GPC6: variants seen among roughly 807,000 people sequenced by gnomAD.
GPC6 encodes the protein glypican-6.
GPC6 carries 14 observed loss-of-function variants against 55.2 expected under a neutral mutation model. The observed-to-expected ratio is 0.25, with a 90% CI of 0.17 to 0.40. The LOEUF is 0.40. GPC6 is among the 10% of genes least tolerant of loss of function. The pLI, the probability that GPC6 is intolerant of heterozygous loss-of-function variation, is 1.00. For synonymous variants in GPC6, 278 were observed against 259.6 expected (o/e 1.07, Z -0.68); for missense variants, 641 against 708.5 (o/e 0.90, Z 1.08).
intron 3 of GPC6, among the ~76,000 whole-genome samples, chr13:93,902,978 G>C (rs1401897456): frequency 1.3e-5 from 2 of 152,176 alleles, no homozygotes; most frequent in Non-Finnish European, 2.9e-5. Flanking sequence ...ATACAATGGA[G>C]AAAGGACAGT....
intron 4 of GPC6, among the ~76,000 whole-genome samples, chr13:94,285,430 C>T (rs1421462812): frequency 6.6e-6 from 1 of 152,138 alleles, no homozygotes; most frequent in African/African-American, 2.4e-5. Context: ...CAAAGGGAAA[C>T]TTCCTCACTT....
intron 4 of GPC6, among the ~76,000 whole-genome samples, chr13:94,133,094 A>T (rs151275593): frequency 6.6e-6 from 1 of 152,208 alleles, no homozygotes; most frequent in South Asian, 2.1e-4. Flanking sequence ...GAAGAAGAGC[A>T]GTCTTTTCTG....
chr13:93,613,483 C>T (rs1408198194), intron 2 of GPC6, among the ~76,000 whole-genome samples: 1 of 151,558 alleles, frequency 6.6e-6, no homozygotes, highest in Admixed American at 6.6e-5. Flanking sequence ...CCATCTCTTT[C>T]AATCATTCTC....
At chr13:93,590,893 G>A (rs923709030) in intron 2 of GPC6, among the ~76,000 whole-genome samples, 2 of 151,906 alleles carry the variant, frequency 1.3e-5, no homozygotes, top group African/African-American at 4.8e-5. Context: ...TAAAAAGGAC[G>A]AGCTAGTGGG....
At chr13:94,367,001 G>C (rs1420217294) in intron 6 of GPC6, among the ~76,000 whole-genome samples, 1 of 152,188 alleles carries the variant, frequency 6.6e-6, no homozygotes, top group Non-Finnish European at 1.5e-5. Context: ...ATGTGCTCAA[G>C]CCCTGTTCAT....
At chr13:93,409,140 A>G (rs1876401570) in intron 1 of GPC6, among the ~76,000 whole-genome samples, 1 of 151,416 alleles carries the variant, frequency 6.6e-6, no homozygotes, top group East Asian at 1.9e-4. Flanking sequence ...TTATACATCC[A>G]TGTGTTTTCT....
chr13:94,307,205 C>G (rs923618859), intron 6 of GPC6, among the ~76,000 whole-genome samples: 23 of 152,148 alleles, frequency 1.5e-4, no homozygotes, highest in African/African-American at 4.6e-4. Context: ...AAAGGGGTAA[C>G]TAACTGTTAC....
chr13:93,591,988 A>G (rs1490451263), intron 2 of GPC6, among the ~76,000 whole-genome samples: 1 of 152,166 alleles, frequency 6.6e-6, no homozygotes, highest in Non-Finnish European at 1.5e-5. Flanking sequence ...TATTCTTTGA[A>G]CATCAAAAGT....
intron 3 of GPC6, among the ~76,000 whole-genome samples, chr13:93,985,353 C>T (rs1355103846): frequency 6.6e-6 from 1 of 152,000 alleles, no homozygotes; most frequent in Admixed American, 6.6e-5. Flanking sequence ...AGGAAGGTTG[C>T]TTGAACCCAG....
At chr13:93,897,553 A>T (rs1425846458) in intron 3 of GPC6, among the ~76,000 whole-genome samples, 1 of 152,152 alleles carries the variant, frequency 6.6e-6, no homozygotes, top group Admixed American at 6.6e-5. Context: ...TAAATGACTT[A>T]AAAAACTAGC....
intron 1 of GPC6, among the ~76,000 whole-genome samples, chr13:93,235,252 G>A (rs1876195030): frequency 6.6e-6 from 1 of 151,966 alleles, no homozygotes; most frequent in Non-Finnish European, 1.5e-5. Context: ...AAAGAAGGAG[G>A]CAGTTAGGGA....
chr13:93,915,788 C>T (rs1877256873), intron 3 of GPC6, among the ~76,000 whole-genome samples: 1 of 152,208 alleles, frequency 6.6e-6, no homozygotes, highest in South Asian at 2.1e-4. Context: ...CTTGACCACC[C>T]TCTTATTTTT....
intron 4 of GPC6, among the ~76,000 whole-genome samples, chr13:94,102,905 A>G (rs1885917194): frequency 6.6e-6 from 1 of 152,094 alleles, no homozygotes; most frequent in Non-Finnish European, 1.5e-5. Flanking sequence ...TTATTATTAT[A>G]CTTTAAGTTC....
intron 4 of GPC6, among the ~76,000 whole-genome samples, chr13:94,221,358 AAACTAATAAAACTGCCCT>A (rs1890378152): frequency 6.6e-6 from 1 of 152,148 alleles, no homozygotes; most frequent in South Asian, 2.1e-4. Context: ...TAAGCAAATG[AAACTAATAAAACTGCCCT>A]AACTAAAATT....
At chr13:94,365,391 C>T (rs967646669) in intron 6 of GPC6, among the ~76,000 whole-genome samples, 1 of 152,044 alleles carries the variant, frequency 6.6e-6, no homozygotes, top group African/African-American at 2.4e-5. Flanking sequence ...TATTTGAACT[C>T]GAACCAGTTC....
In GPC6 at chr13:93,489,044, C is replaced by A. The variant is rs1462455461; in HGVS notation, c.161-56219C>A. 2.6e-5 allele frequency among the ~76,000 whole-genome samples: 4 copies of A among 151,344 alleles called. No individual in the cohort carries two copies. The South Asian group carries it at 8.3e-4, about 32-fold the overall frequency. ...GGTGTTTTAGTCATGAAGTCCTTGC[C>A]CATGCCTATGTCCTGAATTGTATTG... On this transcript the variant is annotated intron_variant, in intron 1 of 8. Coordinates refer to ENST00000377047, the MANE Select transcript of GPC6 (RefSeq NM_005708.5).
At chr13:93,972,021 G>C (rs1880303453) in intron 3 of GPC6, among the ~76,000 whole-genome samples, 1 of 152,182 alleles carries the variant, frequency 6.6e-6, no homozygotes, top group Admixed American at 6.5e-5. Context: ...CATCCCTTAG[G>C]CAGAGAAGGC....
At chr13:93,386,192 G>A (rs996396840) in intron 1 of GPC6, among the ~76,000 whole-genome samples, 9 of 151,754 alleles carry the variant, frequency 5.9e-5, no homozygotes, top group East Asian at 1.9e-4. Flanking sequence ...CAAGTTCAGC[G>A]AATAACTGTA....
At chr13:94,389,318 G>T (rs1413769909) in intron 7 of GPC6, among the ~76,000 whole-genome samples, 1 of 152,176 alleles carries the variant, frequency 6.6e-6, no homozygotes, top group East Asian at 1.9e-4. Flanking sequence ...CCTGAGAAGG[G>T]CGTTCTGGGC....
Sources: gnomAD v4.1 joint callset for allele counts (sites outside exome capture counted in the v4.1 genomes callset) on GRCh38, gnomAD v4.1.1 for gene constraint, MANE v1.5 for transcripts, NCBI Gene and HGNC (gene_info 2026-07-23, HGNC 2026-07-21) for gene names.